Variants in AVEN observed in about 807,000 individuals in gnomAD.
AVEN encodes the protein apoptosis and caspase activation inhibitor.
In AVEN, 41 loss-of-function variants were observed where a neutral mutation model predicts 38.1. That is an observed-to-expected ratio of 1.08 (90% CI 0.84 to 1.40). The LOEUF is 1.40. AVEN is among the 40% of genes most tolerant of loss of function. The probability of loss-of-function intolerance (pLI) is 0.00; values close to 1 mark genes in which losing one functional copy is unlikely to be tolerated. For synonymous variants in AVEN, 206 were observed against 171.8 expected (o/e 1.20, Z -1.56); for missense variants, 605 against 438.8 (o/e 1.38, Z -3.38).
At chr15:34,035,574 CT>C (rs1207100991) in intron 1 of AVEN, among the ~76,000 whole-genome samples, 2 of 152,086 alleles carry the variant, frequency 1.3e-5, no homozygotes, top group African/African-American at 2.4e-5. Flanking sequence ...TTCACCTCTC[CT>C]AACTGTGAGT....
intron 1 of AVEN, among the ~76,000 whole-genome samples, chr15:34,019,767 G>C (rs1003993353): frequency 2.6e-5 from 4 of 152,260 alleles, no homozygotes; most frequent in African/African-American, 9.6e-5. Context: ...ATACCGCCTG[G>C]GTGTACAGTA....
At chr15:33,869,213 G>C (rs929720261) in intron 4 of AVEN, among the ~76,000 whole-genome samples, 1 of 152,142 alleles carries the variant, frequency 6.6e-6, no homozygotes, top group Non-Finnish European at 1.5e-5. Flanking sequence ...GTCTGGCCTT[G>C]TTTTTGTTTG....
downstream of AVEN, among the ~76,000 whole-genome samples, chr15:33,857,166 C>G (rs909334556): frequency 1.3e-5 from 2 of 152,180 alleles, no homozygotes; most frequent in African/African-American, 4.8e-5. Context: ...CGAAGTACTA[C>G]AGACTGCTAT....
At chr15:33,860,574 T>C in intron 11 of AVEN, 1 of 1,518,440 alleles carries the variant, frequency 6.6e-7, no homozygotes, top group Non-Finnish European at 9.0e-7. Context: ...GATTGCTTTG[T>C]CTTTGTATTT....
upstream of AVEN, among the ~76,000 whole-genome samples, chr15:34,075,181 CAAA>C (rs58860397): frequency 3.0e-5 from 2 of 67,290 alleles, no homozygotes; most frequent in Admixed American, 1.8e-4. Context: ...GACTCTGGCT[CAAA>C]AAAAAAAAAA....
At chr15:33,902,029 G>T (rs1171665007) in intron 2 of AVEN, among the ~76,000 whole-genome samples, 1 of 152,108 alleles carries the variant, frequency 6.6e-6, no homozygotes, top group Admixed American at 6.6e-5. Context: ...AGCCTAATTT[G>T]ATATAGTTCA....
At position 33,867,855 on chromosome 15, in the gene AVEN, C is replaced by A; in HGVS notation, c.613G>T (p.Gly205Cys). Reference sequence around the variant, plus strand: ...TGAGGAACCTCTAAAGGAACTGTACCCTGAAAGAGAAGTATAAAAACTGAG... The same window carrying A: ...TGAGGAACCTCTAAAGGAACTGTACACTGAAAGAGAAGTATAAAAACTGAG... ...RLNVAAELVQ[G>C]TVPLEVPQVK... Residue 205 changes from glycine (G) to cysteine (C), a missense_variant and splice_region_variant, in exon 5 of 6, where the codon GGT becomes TGT. By Grantham distance (159) the Gly-to-Cys change is radical. Coordinates refer to ENST00000306730, the MANE Select transcript of AVEN (RefSeq NM_020371.3). 2 of 1,561,576 alleles carry A rather than the reference C, an allele frequency of 1.3e-6. No individual in the cohort carries two copies. The highest frequency in any genetic ancestry group is 1.7e-6 in the Non-Finnish European group (2 of 1,159,566).
At chr15:33,997,881 T>G (rs1019233816) in intron 2 of AVEN, among the ~76,000 whole-genome samples, 13 of 152,142 alleles carry the variant, frequency 8.5e-5, no homozygotes, top group African/African-American at 3.1e-4. Flanking sequence ...GTATACCTGT[T>G]CTCACCTTAA....
rs145427842 is a variant in AVEN at position 33,912,009 on chromosome 15, C to T, written c.446-36014G>A. Among the ~76,000 whole-genome samples, 801 of 152,302 alleles carry T rather than the reference C, an allele frequency of 5.3e-3. 6 individuals carry two copies. Among genetic ancestry groups the T allele is most frequent in the African/African-American group, 0.018 (746 of 41,550 alleles). ...CCCAGGCTTCAAGGAAGATTTGTGTCATCTATATATTCCCTGCATGATGTA... is the reference window on the plus strand; with the variant it reads ...CCCAGGCTTCAAGGAAGATTTGTGTTATCTATATATTCCCTGCATGATGTA... On this transcript the variant is annotated intron_variant, in intron 2 of 5. Coordinates refer to ENST00000306730, the MANE Select transcript of AVEN (RefSeq NM_020371.3).
intron 2 of AVEN, among the ~76,000 whole-genome samples, chr15:33,948,364 G>C (rs1370777590): frequency 6.6e-6 from 1 of 151,806 alleles, no homozygotes; most frequent in African/African-American, 2.4e-5. Flanking sequence ...CAAAGTGCTG[G>C]GATTACAGGC....
intron 2 of AVEN, among the ~76,000 whole-genome samples, chr15:33,996,360 A>G (rs1159055281): frequency 1.3e-5 from 2 of 152,116 alleles, no homozygotes; most frequent in African/African-American, 2.4e-5. Context: ...AGTTCTGAGA[A>G]CCGACAGACT....
At chr15:34,061,613 C>A (rs944077127) in intron 5 of AVEN, among the ~76,000 whole-genome samples, 1 of 152,138 alleles carries the variant, frequency 6.6e-6, no homozygotes, top group Non-Finnish European at 1.5e-5. Flanking sequence ...TTAGAGGAGA[C>A]TTTTGCTTTC....
At chr15:33,855,041 C>G, downstream of AVEN, 1 of 942,872 alleles carries the variant, frequency 1.1e-6, no homozygotes, top group East Asian at 3.2e-5. Context: ...CTTGGCCAAA[C>G]ACTTCAACTA....
downstream of AVEN, chr15:33,854,557 G>C: frequency 9.2e-7 from 1 of 1,089,428 alleles, no homozygotes. Context: ...GCTTATCAAA[G>C]ACCAAGAGCC....
intron 1 of AVEN, among the ~76,000 whole-genome samples, chr15:34,013,923 C>T (rs58385931): frequency 0.043 from 6,576 of 152,240 alleles, 461 homozygotes; most frequent in African/African-American, 0.15. Context: ...CTATCTTCCG[C>T]CTGCTGACTC....
chr15:33,939,927 C>T (rs1310497157), intron 2 of AVEN, among the ~76,000 whole-genome samples: 1 of 152,136 alleles, frequency 6.6e-6, no homozygotes, highest in East Asian at 1.9e-4. Flanking sequence ...CCATCTCAAC[C>T]ATTTTTAAGT....
chr15:33,874,490 CG>C (rs570797724), intron 3 of AVEN, among the ~76,000 whole-genome samples: 59 of 152,240 alleles, frequency 3.9e-4, no homozygotes, highest in African/African-American at 1.4e-3. Context: ...CACCAAGACC[CG>C]TTCAAATGAT....
chr15:34,008,950 G>GCACACACA (rs1491109996), intron 1 of AVEN, among the ~76,000 whole-genome samples: 1 of 23,504 alleles, frequency 4.3e-5, no homozygotes, highest in Non-Finnish European at 3.8e-4. Flanking sequence ...ACACGTGCGC[G>GCACACACA]CGCGCACACA....
At chr15:34,068,547 A>G (rs1454762462) in intron 2 of AVEN, among the ~76,000 whole-genome samples, 1 of 152,144 alleles carries the variant, frequency 6.6e-6, no homozygotes, top group African/African-American at 2.4e-5. Context: ...ATTATTTTAC[A>G]TAACCTCAAT....
Sources: allele counts gnomAD v4.1 joint callset (sites outside exome capture counted in the v4.1 genomes callset), GRCh38; gene constraint gnomAD v4.1.1; transcripts MANE v1.5; gene names NCBI Gene and HGNC (gene_info 2026-07-23, HGNC 2026-07-21).